Variants in MYO1B observed in about 807,000 individuals in gnomAD.
The protein encoded by MYO1B is unconventional myosin-Ib.
MYO1B carries 72 observed loss-of-function variants against 159.7 expected under a neutral mutation model. The ratio of observed to expected loss-of-function variants is 0.45; its 90% CI spans 0.37 to 0.55. MYO1B has a LOEUF of 0.55. Among genes scored for constraint, MYO1B ranks in the 20% least tolerant of loss-of-function variants. The pLI is 0.00. For synonymous variants in MYO1B, 468 were observed against 473.8 expected (o/e 0.99, Z 0.16); for missense variants, 1,062 against 1,364.8 (o/e 0.78, Z 3.50).
At chr2:191,309,865 C>T (rs1338367678) in intron 3 of MYO1B, among the ~76,000 whole-genome samples, 1 of 152,186 alleles carries the variant, frequency 6.6e-6, no homozygotes. Flanking sequence ...TTGTCTTTTG[C>T]ATTAGAATGT....
intron 1 of MYO1B, among the ~76,000 whole-genome samples, chr2:191,265,035 CGTT>C (rs1687049179): frequency 6.6e-6 from 1 of 151,920 alleles, no homozygotes; most frequent in Non-Finnish European, 1.5e-5. Flanking sequence ...CTGCAGTAGT[CGTT>C]GTAACCTATG....
chr2:191,409,308 A>AT (rs1697121412), intron 26 of MYO1B, 130 bp downstream of exon 26: 2 of 1,029,872 alleles, frequency 1.9e-6, no homozygotes, highest in South Asian at 3.2e-5. Flanking sequence ...GACTTTGGTG[A>AT]TTTTCCCCCA....
chr2:191,412,793 T>C (rs1293697173), intron 27 of MYO1B, among the ~76,000 whole-genome samples: 1 of 152,216 alleles, frequency 6.6e-6, no homozygotes, highest in African/African-American at 2.4e-5. Flanking sequence ...GGGAAATTGA[T>C]ATCTTAGTGA....
chr2:191,293,945 A>G (rs1296151013), intron 2 of MYO1B, among the ~76,000 whole-genome samples: 3 of 152,194 alleles, frequency 2.0e-5, no homozygotes, highest in Non-Finnish European at 4.4e-5. Flanking sequence ...ATTTGATCTT[A>G]TATTTCAATG....
chr2:191,420,985 C>A (rs1697899371), intron 30 of MYO1B, among the ~76,000 whole-genome samples: 1 of 151,910 alleles, frequency 6.6e-6, no homozygotes, highest in Admixed American at 6.6e-5. Flanking sequence ...AAAGCCTGAT[C>A]TAATAACATA....
chr2:191,414,758 A>G (rs527919980), intron 29 of MYO1B, 89 bp downstream of exon 29: 7 of 1,407,690 alleles, frequency 5.0e-6, no homozygotes, highest in African/African-American at 4.4e-5. Flanking sequence ...CGCAGTTTAT[A>G]TATCTGCCTT....
Position 191,247,768 on chromosome 2 carries a change from C to T in MYO1B, c.-10+2142C>T, listed in dbSNP as rs146144811. On this transcript the variant is annotated intron_variant, in intron 1 of 30. Transcript: ENST00000392318. ...CAAAATGTAAAGCATCTGAACATTG[C>T]TGCTACTGGAGATGTGGACAGATAG... Among the ~76,000 whole-genome samples the T allele has an allele frequency of 5.3e-5, 8 of 152,332 alleles. No homozygotes were observed. The East Asian group carries it at 1.5e-3, about 29-fold the overall frequency.
rs1697043190 is a variant in MYO1B at position 191,408,183 on chromosome 2, G to A, written c.2625G>A (p.Gln875=). The change falls in exon 25 of 31, where the codon CAG becomes CAA. Residue 875 remains glutamine (Q), a synonymous_variant. Transcript: ENST00000392318. The part of the protein sequence containing the change: ...AGKKIYEFTL[Q]RIVQKYFLEM... ...AGAAAATCTATGAGTTTACGCTTCA[G>A]AGAATTGTAAGTTGACACTTTATAT... 1.2e-6 allele frequency: 2 copies of A among 1,611,212 alleles called. No homozygotes were observed. The highest frequency in any genetic ancestry group is 1.1e-5 in the South Asian group (1 of 90,982).
intron 3 of MYO1B, among the ~76,000 whole-genome samples, chr2:191,321,471 T>C (rs1033908175): frequency 3.3e-5 from 5 of 152,230 alleles, no homozygotes; most frequent in Non-Finnish European, 7.3e-5. Context: ...GTAATTCTTT[T>C]AAAAAGAGTT....
Position 191,338,266 on chromosome 2 carries a change from G to C in MYO1B, c.347-3195G>C, listed in dbSNP as rs576716133. Among the ~76,000 whole-genome samples the C allele has an allele frequency of 4.6e-5, 7 of 152,094 alleles. No individual in the cohort carries two copies. The South Asian group carries it at 1.5e-3, about 32-fold the overall frequency. On this transcript the variant is annotated intron_variant, in intron 4 of 30. Transcript: ENST00000392318. The stretch of plus-strand genomic sequence containing the variant: ...CCCAGTAGTAGAATTCTTGAAAATA[G>C]TTAAGAATCTGAAGATATTTTTAAC...
intron 20 of MYO1B, among the ~76,000 whole-genome samples, chr2:191,394,597 G>A (rs1695952196): frequency 6.6e-6 from 1 of 152,176 alleles, no homozygotes; most frequent in Admixed American, 6.5e-5. Flanking sequence ...ATTATAGACT[G>A]TTGTAAGTGC....
At chr2:191,288,559 A>G (rs1396314385) in intron 2 of MYO1B, among the ~76,000 whole-genome samples, 1 of 152,206 alleles carries the variant, frequency 6.6e-6, no homozygotes, top group Admixed American at 6.5e-5. Flanking sequence ...ATGTTTCTCT[A>G]TCTAAAAGAC....
chr2:191,387,509 C>A, intron 17 of MYO1B, 59 bp downstream of exon 17: 1 of 1,459,374 alleles, frequency 6.9e-7, no homozygotes, highest in Non-Finnish European at 9.6e-7. Flanking sequence ...GAAGGAATAT[C>A]ATTTTTCCCT....
intron 2 of MYO1B, among the ~76,000 whole-genome samples, chr2:191,291,122 A>G (rs1688662690): frequency 6.6e-6 from 1 of 152,210 alleles, no homozygotes; most frequent in Non-Finnish European, 1.5e-5. Flanking sequence ...CCTTTAGGTT[A>G]TATTTTGACT....
rs1698136747 is a variant in MYO1B, at chr2:191,424,889, G to A, written c.*929G>A. 1 of 152,552 alleles carries A rather than the reference G, an allele frequency of 6.6e-6. No individual in the cohort carries two copies. The highest frequency in any genetic ancestry group is 6.5e-5 in the Admixed American group (1 of 15,268). The allele number at this position is 152,552 out of a possible 1,614,324, so 9.4% of individuals were successfully genotyped here. On this transcript the variant is annotated 3_prime_UTR_variant, in exon 31 of 31. Transcript: ENST00000392318. ...CAGATAGCAGTAAAACATTCTGTAT[G>A]ATGTGCAATAAAACATCCAAGATCT...
chr2:191,325,833 G>A (rs1239719383), intron 3 of MYO1B, among the ~76,000 whole-genome samples: 2 of 152,046 alleles, frequency 1.3e-5, no homozygotes, highest in African/African-American at 4.8e-5. Context: ...GCATTCCACC[G>A]TGACAGAAAA....
At chr2:191,372,281 G>A (rs1473425463) in intron 13 of MYO1B, among the ~76,000 whole-genome samples, 1 of 152,184 alleles carries the variant, frequency 6.6e-6, no homozygotes, top group African/African-American at 2.4e-5. Flanking sequence ...AGTGGGCAAT[G>A]GCTTAATATC....
intron 3 of MYO1B, among the ~76,000 whole-genome samples, chr2:191,323,198 A>G (rs1482591713): frequency 2.0e-5 from 3 of 152,110 alleles, no homozygotes; most frequent in Non-Finnish European, 2.9e-5. Flanking sequence ...TTTCATTGCC[A>G]TCTTGGTTTT....
At chr2:191,292,874 C>A (rs1015515008) in intron 2 of MYO1B, among the ~76,000 whole-genome samples, 1 of 152,218 alleles carries the variant, frequency 6.6e-6, no homozygotes, top group South Asian at 2.1e-4. Context: ...TCTGGGATAG[C>A]AAGTTAGCCT....
Sources: gnomAD v4.1 joint callset for allele counts (sites outside exome capture counted in the v4.1 genomes callset) on GRCh38, gnomAD v4.1.1 for gene constraint, MANE v1.5 for transcripts, NCBI Gene and HGNC (gene_info 2026-07-23, HGNC 2026-07-21) for gene names.